The following OPRM1 variants were observed in gnomAD, a reference collection of about 807,000 sequenced individuals.
OPRM1 encodes the protein mu-type opioid receptor.
In OPRM1, 27 loss-of-function variants were observed where a neutral mutation model predicts 31.8. The observed-to-expected ratio is 0.85, with a 90% CI of 0.63 to 1.17. The LOEUF is 1.17. Ranked by LOEUF, OPRM1 falls within the 50% of genes most tolerant of loss-of-function variation. The probability of loss-of-function intolerance (pLI) is 0.00; values close to 1 mark genes in which losing one functional copy is unlikely to be tolerated. For missense variants in OPRM1, 536 were observed against 511.1 expected, an observed-to-expected ratio of 1.05 and a Z score of -0.47; for synonymous variants, 196 against 189.9, an observed-to-expected ratio of 1.03 and a Z score of -0.26.
At chr6:154,140,846 A>C (rs1043892725) in intron 3 of OPRM1, among the ~76,000 whole-genome samples, 12 of 152,130 alleles carry the variant, frequency 7.9e-5, no homozygotes, top group Middle Eastern at 3.2e-3. Context: ...CTAACTACTC[A>C]GATGCTGTTT....
chr6:154,023,443 GT>G (rs960177015), intron 1 of OPRM1, among the ~76,000 whole-genome samples: 1 of 152,080 alleles, frequency 6.6e-6, no homozygotes, highest in African/African-American at 2.4e-5. Flanking sequence ...CGTTCTAGTT[GT>G]TTTTTGATTC....
intron 1 of OPRM1, among the ~76,000 whole-genome samples, chr6:154,040,385 C>T (rs1583178169): frequency 6.6e-6 from 1 of 152,152 alleles, no homozygotes; most frequent in Non-Finnish European, 1.5e-5. Flanking sequence ...CAACCCCACC[C>T]TTTCTTCTCC....
In OPRM1 at chr6:154,119,933, C is replaced by T. The variant is rs1340594449; in HGVS notation, c.*1212C>T. 1.3e-5 allele frequency among the ~76,000 whole-genome samples: 2 copies of T among 152,064 alleles called. No homozygotes were observed. Among genetic ancestry groups the T allele is most frequent in the Non-Finnish European group, 2.9e-5 (2 of 67,990 alleles). On this transcript the variant is annotated 3_prime_UTR_variant, in exon 4 of 4. Coordinates refer to ENST00000330432, the MANE Select transcript of OPRM1 (RefSeq NM_000914.5). ...TGTCAAGATTTCCTTTGTAAAGTGT[C>T]GATCTTCTAAGTAGTTTCTTTAAGA...
chr6:154,192,091 C>A (rs753072055), intron 3 of OPRM1, among the ~76,000 whole-genome samples: 1 of 152,190 alleles, frequency 6.6e-6, no homozygotes, highest in Non-Finnish European at 1.5e-5. Context: ...CAAAGGGTTT[C>A]TGCATTATGC....
At chr6:154,094,578 A>C (rs1169878338) in intron 3 of OPRM1, among the ~76,000 whole-genome samples, 1 of 152,222 alleles carries the variant, frequency 6.6e-6, no homozygotes, top group Non-Finnish European at 1.5e-5. Flanking sequence ...TAGCTGATCT[A>C]CATGGCCTCA....
intron 3 of OPRM1, among the ~76,000 whole-genome samples, chr6:154,209,426 G>T (rs1212629500): frequency 6.6e-6 from 1 of 151,972 alleles, no homozygotes; most frequent in Non-Finnish European, 1.5e-5. Context: ...CAAGGTGAGT[G>T]CATCACTTGA....
chr6:154,226,845 A>G lies in OPRM1; in HGVS notation c.1165-19848A>G, dbSNP rs370752189. ...AAGCCCTGATTAGTTCCACAATTTC[A>G]TCTCTCCCCCTCCCCCATTCAGCCA... On this transcript the variant is annotated intron_variant, in intron 3 of 3. Coordinates refer to the OPRM1 transcript ENST00000337049. Among the ~76,000 whole-genome samples the G allele has an allele frequency of 2.0e-5, 3 of 151,972 alleles. No individual in the cohort carries two copies. The East Asian group carries it at 5.8e-4, about 29-fold the overall frequency.
chr6:154,096,361 C>CT (rs1232680724), intron 3 of OPRM1, among the ~76,000 whole-genome samples: 2 of 152,040 alleles, frequency 1.3e-5, no homozygotes, highest in Non-Finnish European at 2.9e-5. Context: ...TGTCTGGCCT[C>CT]TAACGCATTT....
chr6:154,159,965 A>C, intron 3 of OPRM1: 1 of 1,612,636 alleles, frequency 6.2e-7, no homozygotes, highest in South Asian at 1.1e-5. Flanking sequence ...ATGACTTTCC[A>C]CTCTCTGTAT....
intron 3 of OPRM1, among the ~76,000 whole-genome samples, chr6:154,104,782 T>G (rs1200982540): frequency 1.3e-5 from 2 of 152,248 alleles, no homozygotes; most frequent in African/African-American, 4.8e-5. Flanking sequence ...TAAATTGGCT[T>G]TGATGGAATG....
At chr6:154,057,246 G>A (rs1282626059) in intron 1 of OPRM1, among the ~76,000 whole-genome samples, 1 of 152,166 alleles carries the variant, frequency 6.6e-6, no homozygotes, top group African/African-American at 2.4e-5. Flanking sequence ...TACGTTTGTT[G>A]AGCACTATGT....
chr6:154,084,566 T>C (rs3778157), intron 1 of OPRM1, among the ~76,000 whole-genome samples: 23,733 of 152,152 alleles, frequency 0.16, 1,943 homozygotes, highest in Non-Finnish European at 0.17. Context: ...TAGGAAAGTA[T>C]CTTTATCTCA....
intron 3 of OPRM1, among the ~76,000 whole-genome samples, chr6:154,216,209 A>T (rs1314786553): frequency 3.3e-5 from 5 of 152,228 alleles, no homozygotes; most frequent in Non-Finnish European, 7.3e-5. Context: ...CAAAAAGAAA[A>T]AACATTAATA....
chr6:154,227,208 C>T (rs1380704324), intron 3 of OPRM1, among the ~76,000 whole-genome samples: 2 of 150,570 alleles, frequency 1.3e-5, no homozygotes, highest in Non-Finnish European at 3.0e-5. Context: ...TGTCTCAAAA[C>T]AAACAAACAA....
chr6:154,040,340 T>G (rs927330126), intron 1 of OPRM1, among the ~76,000 whole-genome samples: 2 of 152,108 alleles, frequency 1.3e-5, no homozygotes, highest in Non-Finnish European at 2.9e-5. Context: ...TTGGCAACTT[T>G]CCTACTCCTG....
intron 3 of OPRM1, among the ~76,000 whole-genome samples, chr6:154,227,119 G>A (rs150732050): frequency 0.012 from 1,897 of 152,138 alleles, 47 homozygotes; most frequent in African/African-American, 0.043. Flanking sequence ...CAGGAGAATC[G>A]CTTGAACCTG....
rs535578146 is a variant in OPRM1 at position 154,125,458 on chromosome 6, A to G, written c.*6737A>G. 6.6e-6 allele frequency among the ~76,000 whole-genome samples: 1 copy of G among 152,378 alleles called. No homozygotes were observed. The highest frequency in any genetic ancestry group is 2.4e-5 in the African/African-American group (1 of 41,586). ...CTTAAGTTCCAACTAAAAGTATTAC[A>G]TTCTTAGCATAAGTATACTCATAAA... is the stretch of plus-strand genomic sequence containing the variant. On this transcript the variant is annotated 3_prime_UTR_variant, in exon 4 of 4. Transcript: ENST00000330432.
At chr6:154,063,157 AT>A (rs1257278685) in intron 1 of OPRM1, among the ~76,000 whole-genome samples, 2 of 152,034 alleles carry the variant, frequency 1.3e-5, no homozygotes, top group African/African-American at 2.4e-5. Flanking sequence ...AATGTTAAAC[AT>A]TTTTGTCTTT....
At chr6:154,233,043 A>G (rs1045597197) in intron 3 of OPRM1, among the ~76,000 whole-genome samples, 18 of 146,502 alleles carry the variant, frequency 1.2e-4, no homozygotes, top group African/African-American at 4.6e-4. Context: ...ATCTCATCTC[A>G]CTGCAACCTC....
Sources: gnomAD v4.1 joint callset for allele counts (sites outside exome capture counted in the v4.1 genomes callset) on GRCh38, gnomAD v4.1.1 for gene constraint, MANE v1.5 for transcripts, NCBI Gene and HGNC (gene_info 2026-07-23, HGNC 2026-07-21) for gene names.